The following STMND1 variants were observed in gnomAD, a reference collection of about 807,000 sequenced individuals.
STMND1 encodes stathmin domain-containing protein 1.
In STMND1, 17 loss-of-function variants were observed where a neutral mutation model predicts 23.0. That is an observed-to-expected ratio of 0.74 (90% confidence interval 0.51 to 1.11). STMND1 has a LOEUF of 1.11. Ranked by LOEUF, STMND1 falls within the 50% of genes least tolerant of loss-of-function variation. The pLI, the probability that STMND1 is intolerant of heterozygous loss-of-function variation, is 0.00. For synonymous variants in STMND1, 114 were observed against 119.9 expected, an observed-to-expected ratio of 0.95 and a Z score of 0.32; for missense variants, 305 against 329.1, an observed-to-expected ratio of 0.93 and a Z score of 0.57.
rs567462291 is a variant in STMND1, at chr6:17,120,534, C to T, written c.260-73C>T. 3.0e-5 allele frequency: 36 copies of T among 1,198,002 alleles called. No individual in the cohort carries two copies. In the South Asian group the frequency reaches 5.6e-4, roughly 19 times the overall value. 74.2% of individuals were successfully genotyped at this position (1,198,002 alleles called of 1,614,324 possible). A position where few individuals can be genotyped will look rare whatever the true frequency, so the allele number is the denominator to read the frequency against. On this transcript the variant is annotated intron_variant, in intron 2 of 4. Transcript: ENST00000536551. ...TAAGTAGCATGGTTTAGAAGGCATC[C>T]GTTTAGCATTTGATTGAAAAAATCT... is the stretch of plus-strand genomic sequence containing the variant.
In STMND1 at chr6:17,102,186, G is replaced by C; in HGVS notation, c.-72G>C. 1.4e-6 allele frequency: 2 copies of C among 1,409,264 alleles called. No individual in the cohort carries two copies. Among genetic ancestry groups the C allele is most frequent in the South Asian group, 3.0e-5 (2 of 66,344 alleles). The allele number at this position is 1,409,264 out of a possible 1,614,324, so 87.3% of individuals were successfully genotyped here. On this transcript the variant is annotated 5_prime_UTR_variant, in exon 1 of 5. Coordinates refer to ENST00000536551, the MANE Select transcript of STMND1 (RefSeq NM_001190766.2). ...GCAGGAGCGCGGGACCACCGGCGCC[G>C]GAGCGCGGCAGGGAGCGCTCGCGGG...
Position 17,109,490 on chromosome 6 carries a change from G to GT in STMND1, c.82-5471dup, listed in dbSNP as rs573244331. ...TCAAACGTTAGAGTAATTCCAGAAA[G>GT]TGGTTAACACATGCTTGTATATATT... On this transcript the variant is annotated intron_variant, in intron 1 of 4. Coordinates refer to ENST00000536551, the MANE Select transcript of STMND1 (RefSeq NM_001190766.2). Among the ~76,000 whole-genome samples the GT allele has an allele frequency of 1.9e-3, 291 of 152,304 alleles. 3 individuals are homozygous for GT. The highest frequency in any genetic ancestry group is 6.7e-3 in the African/African-American group (280 of 41,558).
chr6:17,107,197 A>G (rs1352383906), intron 1 of STMND1, among the ~76,000 whole-genome samples: 1 of 152,202 alleles, frequency 6.6e-6, no homozygotes, highest in Non-Finnish European at 1.5e-5. Context: ...TGCCTTGACA[A>G]ATTATTCCCT....
Position 17,129,194 on chromosome 6 carries a change from C to T in STMND1, c.494C>T (p.Thr165Ile), listed in dbSNP as rs1187098126. ...ATCAAAAAGCAAGTGAAGGATTTCA[C>T]AATGAAGGACATCGAGGAGAAGATG... is the stretch of plus-strand genomic sequence containing the variant. ...LKIKKQVKDF[T>I]MKDIEEKMEA... Residue 165 changes from threonine (T) to isoleucine (I), a missense_variant, in exon 4 of 5, where the codon ACA (threonine) becomes ATA (isoleucine). By Grantham distance (89) the Thr-to-Ile change is moderately conservative. Transcript: ENST00000536551. The T allele has an allele frequency of 2.0e-6, 3 of 1,535,846 alleles. No individual in the cohort carries two copies. Among genetic ancestry groups the T allele is most frequent in the South Asian group, 2.4e-5 (2 of 84,054 alleles).
chr6:17,108,746 G>T (rs191139412), intron 1 of STMND1, among the ~76,000 whole-genome samples: 1 of 147,972 alleles, frequency 6.8e-6, no homozygotes, highest in African/African-American at 2.5e-5. Flanking sequence ...GCCCAGACTG[G>T]AGTGCAGTGG....
At chr6:17,112,530 C>G (rs958930022) in intron 1 of STMND1, among the ~76,000 whole-genome samples, 2 of 152,106 alleles carry the variant, frequency 1.3e-5, no homozygotes, top group Non-Finnish European at 2.9e-5. Context: ...GTAATCCCAG[C>G]ACTTTGAGAG....
intron 2 of STMND1, 150 bp from the exon 3 acceptor site, chr6:17,120,457 A>T (rs1461539920): frequency 1.0e-5 from 6 of 575,850 alleles, no homozygotes; most frequent in Non-Finnish European, 1.7e-5. Context: ...ACTTCAAAGG[A>T]TCACAAAGAC....
At chr6:17,129,590 A>G (rs1176678673) in intron 4 of STMND1, among the ~76,000 whole-genome samples, 1 of 151,908 alleles carries the variant, frequency 6.6e-6, no homozygotes, top group Non-Finnish European at 1.5e-5. Flanking sequence ...CACGCCTGTA[A>G]TCCCAGCACT....
chr6:17,117,667 CTTTTTTTTTTT>C (rs34107338), intron 2 of STMND1, among the ~76,000 whole-genome samples: 5 of 49,566 alleles, frequency 1.0e-4, no homozygotes, highest in Non-Finnish European at 1.7e-4. Flanking sequence ...TTGGGTTACG[CTTTTTTTTTTT>C]TTTTTTTTTT....
intron 2 of STMND1, among the ~76,000 whole-genome samples, chr6:17,117,444 G>A (rs1364998919): frequency 6.6e-6 from 1 of 152,042 alleles, no homozygotes; most frequent in Non-Finnish European, 1.5e-5. Flanking sequence ...TCTCACAACT[G>A]CTCTTTATAA....
At chr6:17,119,115 C>G (rs369465443) in intron 2 of STMND1, among the ~76,000 whole-genome samples, 5 of 152,092 alleles carry the variant, frequency 3.3e-5, no homozygotes, top group Admixed American at 6.5e-5. Flanking sequence ...TTGACCTCCC[C>G]GTATGACATG....
chr6:17,115,906 G>A (rs925028226), intron 2 of STMND1, among the ~76,000 whole-genome samples: 25 of 152,294 alleles, frequency 1.6e-4, no homozygotes, highest in African/African-American at 5.5e-4. Context: ...GGCACACTCA[G>A]GTTATCACAG....
Position 17,127,385 on chromosome 6 carries a change from A to G in STMND1, c.412-1727A>G, listed in dbSNP as rs141947186. The stretch of plus-strand genomic sequence containing the variant: ...GCCAACATGGTGAAACCCCGTCTCT[A>G]CTAAAAATACAAAAATTAGCTGGGC... On this transcript the variant is annotated intron_variant, in intron 3 of 4. Coordinates refer to ENST00000536551, the MANE Select transcript of STMND1 (RefSeq NM_001190766.2). 1.1e-3 allele frequency among the ~76,000 whole-genome samples: 173 copies of G among 152,262 alleles called. 2 individuals carry two copies. The highest frequency in any genetic ancestry group is 3.9e-3 in the African/African-American group (160 of 41,556).
intron 4 of STMND1, 50 bp from the exon 5 acceptor site, chr6:17,130,544 T>G: frequency 7.3e-7 from 1 of 1,373,106 alleles, no homozygotes; most frequent in Non-Finnish European, 9.6e-7. Flanking sequence ...TAATCACAAC[T>G]TGGAGAAAGT....
At chr6:17,120,317 G>C (rs1259899089) in intron 2 of STMND1, among the ~76,000 whole-genome samples, 1 of 152,164 alleles carries the variant, frequency 6.6e-6, no homozygotes, top group Non-Finnish European at 1.5e-5. Context: ...AAGTGTATAA[G>C]TGTTGTTACA....
intron 2 of STMND1, among the ~76,000 whole-genome samples, 199 bp downstream of exon 2, chr6:17,115,338 ATCT>A (rs1477780373): frequency 6.6e-6 from 1 of 150,546 alleles, no homozygotes; most frequent in Admixed American, 6.7e-5. Flanking sequence ...CTAAGCATTA[ATCT>A]TCTTGTCAAT....
chr6:17,112,582 C>G (rs929803326), intron 1 of STMND1, among the ~76,000 whole-genome samples: 1 of 152,062 alleles, frequency 6.6e-6, no homozygotes, highest in Non-Finnish European at 1.5e-5. Flanking sequence ...TTGAGACCAT[C>G]CTGGCTAACA....
intron 1 of STMND1, among the ~76,000 whole-genome samples, chr6:17,106,708 C>G (rs950932503): frequency 2.0e-5 from 3 of 152,148 alleles, no homozygotes; most frequent in African/African-American, 7.2e-5. Flanking sequence ...TTCAGTAGTT[C>G]AGCAGGATCT....
Position 17,115,070 on chromosome 6 carries a change from G to A in STMND1, c.190G>A (p.Gly64Arg). The A allele has an allele frequency of 6.5e-7, 1 of 1,535,892 alleles. No homozygotes were observed. The highest frequency in any genetic ancestry group is 1.2e-5 in the South Asian group (1 of 84,038). The change falls in exon 2 of 5, where the codon GGA becomes AGA. Residue 64 changes from glycine to arginine, a missense_variant. Physicochemically the swap from Gly to Arg is moderately radical, Grantham distance 125. Coordinates refer to ENST00000536551, the MANE Select transcript of STMND1 (RefSeq NM_001190766.2). ...AGAAGGCCTGGAACAAGTCCAGATGGGAAGCTTACCTGGAACCATTTCAGA... is the reference window on the plus strand; with the variant it reads ...AGAAGGCCTGGAACAAGTCCAGATGAGAAGCTTACCTGGAACCATTTCAGA... ...IAEGLEQVQM[G>R]SLPGTISENS... is the part of the protein sequence containing the mutation.
Sources: allele counts gnomAD v4.1 joint callset (sites outside exome capture counted in the v4.1 genomes callset), GRCh38; gene constraint gnomAD v4.1.1; transcripts MANE v1.5; gene names NCBI Gene and HGNC (gene_info 2026-07-23, HGNC 2026-07-21).